SHOC1: variants seen among roughly 807,000 people sequenced by gnomAD.
SHOC1 encodes the protein protein shortage in chiasmata 1 ortholog.
SHOC1 carries 136 observed loss-of-function variants against 179.2 expected under a neutral mutation model. That is an observed-to-expected ratio of 0.76 (90% confidence interval 0.66 to 0.87). The LOEUF is 0.87. Among genes scored for constraint, SHOC1 ranks in the 40% least tolerant of loss-of-function variants. The pLI, the probability that SHOC1 is intolerant of heterozygous loss-of-function variation, is 0.00. For synonymous variants in SHOC1, 489 were observed against 586.6 expected (o/e 0.83, Z 2.41); for missense variants, 1,538 against 1,700.8 (o/e 0.90, Z 1.68).
chr9:111,756,323 A>G lies in SHOC1; in HGVS notation c.862+2T>C. On this transcript the variant is annotated splice_donor_variant, in intron 8 of 27. Coordinates refer to ENST00000682961, the MANE Select transcript of SHOC1 (RefSeq NM_001378211.1). LOFTEE classifies it high-confidence loss of function. ...GTAATACATTTTACAATTAATTCTC[A>G]CCTCTTTCAAAAAGCTTTTCCTTTT... The G allele has an allele frequency of 6.3e-7, 1 of 1,587,958 alleles. No homozygotes were observed. The highest frequency in any genetic ancestry group is 8.5e-7 in the Non-Finnish European group (1 of 1,169,664).
At position 111,718,209 on chromosome 9, in the gene SHOC1, TA is replaced by T; in HGVS notation, c.2210del (p.Leu737Ter). ...HLLVTIRDVL[L>X]TCSLDTALGY... ...CCAATGCTGTGTCCAAGCTGCATGT[TA>T]AAAGGACATCTCTAATTGTTACCAG... On this transcript the variant is annotated frameshift_variant, in exon 16 of 28. Coordinates refer to ENST00000682961, the MANE Select transcript of SHOC1 (RefSeq NM_001378211.1). LOFTEE classifies it high-confidence loss of function. 6.3e-7 allele frequency: 1 copy of T among 1,598,610 alleles called. No homozygotes were observed. The highest frequency in any genetic ancestry group is 8.5e-7 in the Non-Finnish European group (1 of 1,175,062).
Position 111,770,198 on chromosome 9 carries a change from C to A in SHOC1, c.442+5593G>T, listed in dbSNP as rs546837638. Among the ~76,000 whole-genome samples, 9 of 151,720 alleles carry A rather than the reference C, an allele frequency of 5.9e-5. No homozygotes were observed. In the South Asian group the frequency reaches 1.7e-3, roughly 28 times the overall value. ...TCTTGGTACTGGGCTCTTGCCATAC[C>A]CCATAGATTTTGGTATGTTTTATTT... On this transcript the variant is annotated intron_variant, in intron 5 of 27. Transcript: ENST00000682961.
chr9:111,761,020 A>G (rs1180341035), intron 5 of SHOC1, among the ~76,000 whole-genome samples: 1 of 152,008 alleles, frequency 6.6e-6, no homozygotes, highest in Non-Finnish European at 1.5e-5. Flanking sequence ...TAGGCAAAAT[A>G]GATCATAATA....
intron 4 of SHOC1, among the ~76,000 whole-genome samples, chr9:111,779,665 A>C (rs1835963213): frequency 6.6e-6 from 1 of 152,108 alleles, no homozygotes; most frequent in Admixed American, 6.5e-5. Flanking sequence ...CATCTTAGAG[A>C]TCGTCTCGCA....
intron 26 of SHOC1, 40 bp downstream of exon 26, chr9:111,693,758 GA>G: frequency 7.7e-7 from 1 of 1,306,172 alleles, no homozygotes; most frequent in Non-Finnish European, 1.0e-6. Context: ...AAATCGAAAG[GA>G]AATAAATTCA....
Position 111,756,393 on chromosome 9 carries a change from T to G in SHOC1, c.794A>C (p.Lys265Thr). 6.2e-7 allele frequency: 1 copy of G among 1,611,326 alleles called. No individual in the cohort carries two copies. Among genetic ancestry groups the G allele is most frequent in the Non-Finnish European group, 8.5e-7 (1 of 1,177,960 alleles). ...EIDIPSLSEL[K>T]ELLNPVPEII... ...TTCTGGCACTGGGTTTAATAACTCC[T>G]TCAGTTCTGAGAGTGATGGAATATC... Residue 265 changes from lysine to threonine, a missense_variant, in exon 8 of 28, where the codon AAG (lysine) becomes ACG (threonine). Coordinates refer to ENST00000682961, the MANE Select transcript of SHOC1 (RefSeq NM_001378211.1).
intron 4 of SHOC1, among the ~76,000 whole-genome samples, chr9:111,777,297 C>G (rs1835873202): frequency 6.6e-6 from 1 of 152,220 alleles, no homozygotes; most frequent in Non-Finnish European, 1.5e-5. Flanking sequence ...AATTTCTAAT[C>G]TTGTAGCTAA....
In SHOC1 at chr9:111,703,437, T is replaced by C. The variant is rs576622138; in HGVS notation, c.2967+444A>G. On this transcript the variant is annotated intron_variant, in intron 22 of 27. Coordinates refer to ENST00000682961, the MANE Select transcript of SHOC1 (RefSeq NM_001378211.1). ...GAAAATTCCAAACTATATGAATTTT[T>C]GAAGAGAAATTCTCTTTCTAAAAAC... Among the ~76,000 whole-genome samples, 9 of 152,296 alleles carry C rather than the reference T, an allele frequency of 5.9e-5. No homozygotes were observed. The South Asian group carries it at 1.7e-3, about 28-fold the overall frequency.
At chr9:111,703,857 T>A (rs1832106618) in intron 22 of SHOC1, 24 bp downstream of exon 22, 2 of 1,188,404 alleles carry the variant, frequency 1.7e-6, no homozygotes, top group African/African-American at 3.0e-5. Flanking sequence ...TATTTTAGTT[T>A]ATATATTTTC....
chr9:111,727,171 T>C (rs1369962442), intron 13 of SHOC1, among the ~76,000 whole-genome samples: 1 of 152,154 alleles, frequency 6.6e-6, no homozygotes, highest in Non-Finnish European at 1.5e-5. Context: ...TATAAGACAG[T>C]TACAACTCAA....
At chr9:111,742,606 T>C (rs981881129) in intron 10 of SHOC1, among the ~76,000 whole-genome samples, 3 of 152,224 alleles carry the variant, frequency 2.0e-5, no homozygotes, top group African/African-American at 7.2e-5. Context: ...CCTTAATCTG[T>C]GTCCCAAGCT....
In SHOC1 at chr9:111,718,303, A is replaced by C; in HGVS notation, c.2132-15T>G. The stretch of plus-strand genomic sequence containing the variant: ...ATCAATTGTACCTAAGTAAGCAAAA[A>C]TGTATTTTAAAACATAGACTATACA... On this transcript the variant is annotated splice_polypyrimidine_tract_variant and intron_variant, in intron 15 of 27. Transcript: ENST00000682961. 6.6e-7 allele frequency: 1 copy of C among 1,526,000 alleles called. No individual in the cohort carries two copies. Among genetic ancestry groups the C allele is most frequent in the South Asian group, 1.2e-5 (1 of 82,494 alleles). The allele number at this position is 1,526,000 out of a possible 1,614,324, so 94.5% of individuals were successfully genotyped here.
chr9:111,697,459 G>C (rs1198099821), intron 24 of SHOC1, among the ~76,000 whole-genome samples: 1 of 152,054 alleles, frequency 6.6e-6, no homozygotes, highest in Non-Finnish European at 1.5e-5. Flanking sequence ...TTCTGTCCTT[G>C]TGACAGTTTG....
chr9:111,781,048 T>G, intron 3 of SHOC1, 31 bp from the exon 4 acceptor site: 1 of 1,488,348 alleles, frequency 6.7e-7, no homozygotes, highest in Non-Finnish European at 9.3e-7. Context: ...CATTAATGTC[T>G]AGAATTTTCT....
At chr9:111,707,579 A>G (rs1832333378) in intron 19 of SHOC1, among the ~76,000 whole-genome samples, 1 of 152,132 alleles carries the variant, frequency 6.6e-6, no homozygotes, top group African/African-American at 2.4e-5. Flanking sequence ...AATATACTCT[A>G]AATAGGCACT....
At position 111,738,502 on chromosome 9, in the gene SHOC1, G is replaced by T; in HGVS notation, c.1195C>A (p.His399Asn). 1 of 1,566,112 alleles carries T rather than the reference G, an allele frequency of 6.4e-7. No individual in the cohort carries two copies. Among genetic ancestry groups the T allele is most frequent in the Non-Finnish European group, 8.6e-7 (1 of 1,163,540 alleles). ...AAATCTGTAACTGAATATTGGCTGT[G>T]GGGCTCTTGAATTCTTGGCACTTAA... ...LLTVPRIQEP[H>N]SQYSVTDLKK... Residue 399 changes from histidine to asparagine, a missense_variant, in exon 12 of 28, where the codon CAC becomes AAC. Coordinates refer to ENST00000682961, the MANE Select transcript of SHOC1 (RefSeq NM_001378211.1).
At chr9:111,790,798 G>C (rs796911348) in intron 2 of SHOC1, among the ~76,000 whole-genome samples, 2 of 152,054 alleles carry the variant, frequency 1.3e-5, no homozygotes, top group African/African-American at 4.8e-5. Context: ...CACCCGCCTC[G>C]GCCTCCCAAA....
intron 3 of SHOC1, among the ~76,000 whole-genome samples, chr9:111,781,746 A>T (rs910284429): frequency 2.3e-4 from 24 of 103,874 alleles, no homozygotes; most frequent in African/African-American, 5.7e-4. Context: ...ATAAATAAAT[A>T]AATAAATTTG....
At chr9:111,696,223 T>C (rs1221678272) in intron 24 of SHOC1, among the ~76,000 whole-genome samples, 1 of 152,216 alleles carries the variant, frequency 6.6e-6, no homozygotes, top group Admixed American at 6.5e-5. Flanking sequence ...GTATTTTCTT[T>C]TAATTTAAGA....
Sources: gnomAD v4.1 joint callset for allele counts (sites outside exome capture counted in the v4.1 genomes callset) on GRCh38, gnomAD v4.1.1 for gene constraint, MANE v1.5 for transcripts, NCBI Gene and HGNC (gene_info 2026-07-23, HGNC 2026-07-21) for gene names.